RGS3: variants seen among roughly 807,000 people sequenced by gnomAD.
The protein encoded by RGS3 is regulator of G protein signaling 3.
RGS3 carries 80 observed loss-of-function variants against 132.6 expected under a neutral mutation model. The observed-to-expected ratio is 0.60, with a 90% CI of 0.50 to 0.73. The LOEUF is 0.73. Ranked by LOEUF, RGS3 falls within the 30% of genes least tolerant of loss-of-function variation. The pLI, the probability that RGS3 is intolerant of heterozygous loss-of-function variation, is 0.00. For synonymous variants in RGS3, 598 were observed against 620.6 expected (o/e 0.96, Z 0.54); for missense variants, 1,382 against 1,530.8 (o/e 0.90, Z 1.62).
intron 20 of RGS3, among the ~76,000 whole-genome samples, chr9:113,585,735 G>A (rs896696712): frequency 1.3e-5 from 2 of 152,238 alleles, no homozygotes; most frequent in Non-Finnish European, 2.9e-5. Flanking sequence ...ACCCATGGCA[G>A]ACATCATTAA....
At chr9:113,491,810 T>C (rs1046024710) in intron 7 of RGS3, among the ~76,000 whole-genome samples, 3 of 152,244 alleles carry the variant, frequency 2.0e-5, no homozygotes, top group African/African-American at 7.2e-5. Flanking sequence ...TGCCTTGGCC[T>C]CCCAAAGTGC....
intron 19 of RGS3, among the ~76,000 whole-genome samples, chr9:113,553,073 G>A (rs984284085): frequency 2.0e-5 from 3 of 151,872 alleles, no homozygotes; most frequent in Non-Finnish European, 2.9e-5. Flanking sequence ...TTTCCCCCAT[G>A]CACATATGTA....
Position 113,495,858 on chromosome 9 carries a change from G to T in RGS3, c.750+12G>T, listed in dbSNP as rs1830665647. 6.2e-7 allele frequency: 1 copy of T among 1,612,474 alleles called. No homozygotes were observed. On this transcript the variant is annotated intron_variant, in intron 8 of 24. Transcript: ENST00000350696. ...TGACTCCAGACAAGGTGGGTCCTAG[G>T]GATGCTTCTGTCAGGATCATCCCAA...
intron 24 of RGS3, among the ~76,000 whole-genome samples, chr9:113,596,502 CA>C: frequency 6.6e-6 from 1 of 152,224 alleles, no homozygotes; most frequent in Non-Finnish European, 1.5e-5. Context: ...GTCACACACC[CA>C]GGTGTGGCAC....
intron 19 of RGS3, chr9:113,582,036 C>A (rs1834845475): frequency 1.0e-6 from 1 of 985,390 alleles, no homozygotes; most frequent in African/African-American, 1.7e-5. Flanking sequence ...CTTACCCGTG[C>A]CGAGCTTTCA....
At chr9:113,481,410 A>G (rs1483349622) in intron 4 of RGS3, among the ~76,000 whole-genome samples, 1 of 152,210 alleles carries the variant, frequency 6.6e-6, no homozygotes. Flanking sequence ...CTCGAGGGAA[A>G]TGATGCACAC....
At chr9:113,588,773 T>C (rs1240359888) in intron 20 of RGS3, among the ~76,000 whole-genome samples, 1 of 152,246 alleles carries the variant, frequency 6.6e-6, no homozygotes, top group Non-Finnish European at 1.5e-5. Flanking sequence ...CGTCCCCGTG[T>C]TAACTTACAT....
At chr9:113,462,004 C>A in intron 2 of RGS3, 1 of 1,611,480 alleles carries the variant, frequency 6.2e-7, no homozygotes, top group East Asian at 2.2e-5. Context: ...ACTCATGCTC[C>A]CATCTTGCTC....
At chr9:113,529,143 C>T (rs147209049) in intron 17 of RGS3, 78 bp from the exon 16 acceptor site, 8 of 1,117,610 alleles carry the variant, frequency 7.2e-6, no homozygotes, top group Non-Finnish European at 1.1e-5. Flanking sequence ...CTGGGCAAGA[C>T]AGCTGACTGT....
chr9:113,564,854 G>A, intron 19 of RGS3: 7 of 905,950 alleles, frequency 7.7e-6, no homozygotes, highest in African/African-American at 1.8e-5. Flanking sequence ...TGTGCTGGCT[G>A]CAGGAGCCTG....
At chr9:113,497,711 C>G (rs1830732262) in intron 9 of RGS3, among the ~76,000 whole-genome samples, 1 of 152,188 alleles carries the variant, frequency 6.6e-6, no homozygotes, top group Non-Finnish European at 1.5e-5. Context: ...CTCCATGTCT[C>G]AGGGATCCCC....
Position 113,507,306 on chromosome 9 carries a change from A to T in RGS3, c.1105A>T (p.Ile369Phe), listed in dbSNP as rs1831173273. 2 of 1,612,588 alleles carry T rather than the reference A, an allele frequency of 1.2e-6. No homozygotes were observed. Among genetic ancestry groups the T allele is most frequent in the African/African-American group, 2.7e-5 (2 of 75,030 alleles). Residue 369 changes from isoleucine (I) to phenylalanine (F), a missense_variant, in exon 13 of 25, where the codon ATC (isoleucine) becomes TTC (phenylalanine). Physicochemically the swap from Ile to Phe is conservative, Grantham distance 21 (BLOSUM62 0). Coordinates refer to ENST00000350696, the Ensembl canonical transcript of RGS3. The surrounding 1 kb of genome is among the most constrained non-coding windows in gnomAD (Gnocchi z 5.0). ...TTCCAGGAGCTGCCCCAGTGAGATCATCCTACTCGTGTGGCGCATGGTCCC... is the reference window on the plus strand; with the variant it reads ...TTCCAGGAGCTGCCCCAGTGAGATCTTCCTACTCGTGTGGCGCATGGTCCC...
chr9:113,494,478 G>A lies in RGS3; in HGVS notation c.690-1308G>A, dbSNP rs1049952313. Among the ~76,000 whole-genome samples the A allele has an allele frequency of 5.3e-5, 8 of 152,092 alleles. No homozygotes were observed. In the South Asian group the frequency reaches 1.7e-3, roughly 32 times the overall value. Reference sequence around the variant, plus strand: ...TATTATTTTTTTGAGACAGTGTCTTGCTCTGTTGCTGCAACTGCCTCCTGT... The same window carrying A: ...TATTATTTTTTTGAGACAGTGTCTTACTCTGTTGCTGCAACTGCCTCCTGT... On this transcript the variant is annotated intron_variant, in intron 7 of 24. Coordinates refer to ENST00000350696, the Ensembl canonical transcript of RGS3.
chr9:113,578,019 G>A (rs1834612436), intron 19 of RGS3, among the ~76,000 whole-genome samples: 1 of 152,244 alleles, frequency 6.6e-6, no homozygotes, highest in Non-Finnish European at 1.5e-5. Context: ...ATACTTGCCT[G>A]TGGCATCTCA....
intron 19 of RGS3, among the ~76,000 whole-genome samples, chr9:113,561,654 T>G (rs1426930574): frequency 1.8e-4 from 27 of 150,876 alleles, no homozygotes; most frequent in Non-Finnish European, 2.2e-4. Flanking sequence ...CCTCCTGGGC[T>G]CAAATGATCC....
chr9:113,494,622 G>A (rs988356846), intron 7 of RGS3, among the ~76,000 whole-genome samples: 7 of 152,188 alleles, frequency 4.6e-5, no homozygotes, highest in African/African-American at 1.7e-4. Flanking sequence ...CAGTAGCTGG[G>A]GCTACAGGCT....
At position 113,591,684 on chromosome 9, in the gene RGS3, T is replaced by C; in HGVS notation, c.3080+287T>C. 2.4e-6 allele frequency: 1 copy of C among 419,142 alleles called. No individual in the cohort carries two copies. 26.0% of individuals were successfully genotyped at this position (419,142 alleles called of 1,614,324 possible). A position where few individuals can be genotyped will look rare whatever the true frequency, so the allele number is the denominator to read the frequency against. On this transcript the variant is annotated intron_variant, in intron 21 of 24. Transcript: ENST00000350696. The surrounding 1 kb of genome is among the most constrained non-coding windows in gnomAD (Gnocchi z 4.4). ...CGTTTGCCCTGGCTTTAGCCCAGCTTCTGAGCCAAGCAGGGACCAAGTGAC... is the reference window on the plus strand; with the variant it reads ...CGTTTGCCCTGGCTTTAGCCCAGCTCCTGAGCCAAGCAGGGACCAAGTGAC...
Position 113,463,844 on chromosome 9 carries a change from T to G in RGS3, c.415+1643T>G. The G allele has an allele frequency of 6.2e-7, 1 of 1,613,128 alleles. No homozygotes were observed. The highest frequency in any genetic ancestry group is 8.5e-7 in the Non-Finnish European group (1 of 1,179,812). On this transcript the variant is annotated intron_variant, in intron 3 of 24. Transcript: ENST00000350696. The surrounding 1 kb of genome is among the most constrained non-coding windows in gnomAD (Gnocchi z 4.6). ...ACCGCGTCTCCCTCGGGAGCCGGCG[T>G]GCCCACCCGGACTTGTCCTTCTACC...
chr9:113,594,870 T>C (rs769236443), intron 22 of RGS3, 49 bp from the exon 21 acceptor site: 1 of 1,576,320 alleles, frequency 6.3e-7, no homozygotes, highest in Admixed American at 1.7e-5. Context: ...TCCCCCAAGG[T>C]TCCCAAGCCT....
Sources: allele counts gnomAD v4.1 joint callset (sites outside exome capture counted in the v4.1 genomes callset), GRCh38; gene constraint gnomAD v4.1.1; non-coding constraint Gnocchi (gnomAD v3.1); transcripts MANE v1.5; gene names NCBI Gene and HGNC (gene_info 2026-07-23, HGNC 2026-07-21).